NELL2: variants seen among roughly 807,000 people sequenced by gnomAD.
The protein encoded by NELL2 is protein kinase C-binding protein NELL2.
A neutral mutation model predicts 109.6 loss-of-function variants in NELL2; 41 were observed. That is an observed-to-expected ratio of 0.37 (90% CI 0.29 to 0.49). The LOEUF (loss-of-function observed/expected upper bound fraction) is 0.49, where lower values mean the gene tolerates loss of function less well. NELL2 is among the 20% of genes least tolerant of loss of function. The pLI is 0.98. For synonymous variants in NELL2, 355 were observed against 344.7 expected (o/e 1.03, Z -0.33); for missense variants, 900 against 1,008.3 (o/e 0.89, Z 1.45).
chr12:44,647,120 A>C (rs925104954), intron 13 of NELL2, among the ~76,000 whole-genome samples: 11 of 152,178 alleles, frequency 7.2e-5, no homozygotes, highest in Non-Finnish European at 1.2e-4. Context: ...GACACCAAAA[A>C]CCAAGAGCAT....
intron 15 of NELL2, among the ~76,000 whole-genome samples, chr12:44,574,754 C>G (rs1030846047): frequency 6.6e-6 from 1 of 152,174 alleles, no homozygotes; most frequent in Admixed American, 6.5e-5. Context: ...TATGTTATTT[C>G]TGCCAAGAAT....
intron 9 of NELL2, among the ~76,000 whole-genome samples, chr12:44,768,709 C>T (rs1400356951): frequency 1.3e-5 from 2 of 151,932 alleles, no homozygotes; most frequent in Admixed American, 1.3e-4. Context: ...TAAAACAGCG[C>T]ATCTGATACG....
chr12:44,630,925 C>T (rs1317687392), intron 13 of NELL2, among the ~76,000 whole-genome samples: 1 of 152,088 alleles, frequency 6.6e-6, no homozygotes, highest in Non-Finnish European at 1.5e-5. Context: ...CATTCCATGT[C>T]AACTTCATTT....
intron 12 of NELL2, among the ~76,000 whole-genome samples, chr12:44,672,825 T>C (rs145396895): frequency 1.3e-5 from 2 of 152,230 alleles, no homozygotes; most frequent in African/African-American, 4.8e-5. Flanking sequence ...ATGTTCAGTG[T>C]TGGGTCTACA....
chr12:44,726,904 G>T (rs976545146), intron 9 of NELL2, among the ~76,000 whole-genome samples: 3 of 150,066 alleles, frequency 2.0e-5, no homozygotes, highest in African/African-American at 7.6e-5. Flanking sequence ...CATGAACAGG[G>T]TTGAAAACAT....
rs1419538499 is a variant in NELL2, at chr12:44,875,232, G to T, written c.177C>A (p.Leu59=). ...PGLHNGTKAF[L]FQDTPRSIKA... is the part of the protein sequence containing the mutation. The stretch of plus-strand genomic sequence containing the variant: ...GCAGCACGCCGGGCATACCTTGAAA[G>T]AGAAAGGCTTTCGTCCCATTATGCA... Residue 59 remains leucine, a synonymous_variant, in exon 2 of 20, where the codon CTC becomes CTA. Coordinates refer to ENST00000429094, the MANE Select transcript of NELL2 (RefSeq NM_001145108.2). 6.2e-7 allele frequency: 1 copy of T among 1,612,552 alleles called. No homozygotes were observed. The highest frequency in any genetic ancestry group is 8.5e-7 in the Non-Finnish European group (1 of 1,178,962).
intron 1 of NELL2, among the ~76,000 whole-genome samples, chr12:44,900,489 G>A (rs888511673): frequency 3.9e-5 from 6 of 152,024 alleles, no homozygotes; most frequent in South Asian, 2.1e-4. Flanking sequence ...CATGGAAACC[G>A]AACAACCTGC....
intron 15 of NELL2, among the ~76,000 whole-genome samples, chr12:44,574,777 A>C (rs1339911497): frequency 6.6e-6 from 1 of 152,126 alleles, no homozygotes; most frequent in Non-Finnish European, 1.5e-5. Flanking sequence ...TCTGGCCTCA[A>C]ATATTTGCAT....
At chr12:44,681,500 C>A (rs1948503237) in intron 12 of NELL2, among the ~76,000 whole-genome samples, 1 of 151,866 alleles carries the variant, frequency 6.6e-6, no homozygotes, top group South Asian at 2.1e-4. Flanking sequence ...ATGCTCCATG[C>A]TGGTGCGCTG....
chr12:44,853,222 T>C lies in NELL2; in HGVS notation c.184+22003A>G, dbSNP rs10467199. Among the ~76,000 whole-genome samples, 92 of 152,306 alleles carry C rather than the reference T, an allele frequency of 6.0e-4. 1 individual carries two copies. The highest frequency in any genetic ancestry group is 2.1e-3 in the African/African-American group (88 of 41,570). On this transcript the variant is annotated intron_variant, in intron 2 of 19. Transcript: ENST00000429094. Reference sequence around the variant, plus strand: ...ATATCTTCAGGATTATGGTTTATCATAGAAATTAATAATAAGCTTCAGAAA... The same window carrying C: ...ATATCTTCAGGATTATGGTTTATCACAGAAATTAATAATAAGCTTCAGAAA...
intron 3 of NELL2, among the ~76,000 whole-genome samples, chr12:44,804,112 T>C (rs1196481897): frequency 6.6e-6 from 1 of 151,948 alleles, no homozygotes; most frequent in Non-Finnish European, 1.5e-5. Context: ...AGCTGAAATA[T>C]TCAATAATTG....
At chr12:44,613,572 A>T (rs1945705247) in intron 13 of NELL2, among the ~76,000 whole-genome samples, 1 of 152,136 alleles carries the variant, frequency 6.6e-6, no homozygotes, top group African/African-American at 2.4e-5. Flanking sequence ...ATATTAGGAC[A>T]TCTTTTGAAA....
In NELL2 at chr12:44,889,505, G is replaced by GCAT. The variant is rs528407043; in HGVS notation, c.39-13608_39-13606dup. Among the ~76,000 whole-genome samples the GCAT allele has an allele frequency of 5.9e-5, 9 of 152,096 alleles. No homozygotes were observed. The East Asian group carries it at 1.7e-3, about 29-fold the overall frequency. The stretch of plus-strand genomic sequence containing the variant: ...TTAATGTTCATCTGAATAGAATGAA[G>GCAT]CATCCACATGGACCCAGCCGGTGAG... On this transcript the variant is annotated intron_variant, in intron 1 of 20. Coordinates refer to the NELL2 transcript ENST00000333837.
intron 13 of NELL2, among the ~76,000 whole-genome samples, chr12:44,625,060 G>T (rs1463694831): frequency 1.4e-5 from 2 of 143,948 alleles, no homozygotes; most frequent in African/African-American, 2.5e-5. Flanking sequence ...GTTGGGGAAA[G>T]TACACTACTG....
chr12:44,703,941 G>C (rs1214510363), intron 11 of NELL2, 87 bp from the exon 12 acceptor site: 2 of 1,146,050 alleles, frequency 1.7e-6, no homozygotes, highest in African/African-American at 3.2e-5. Context: ...TAATTTTGAA[G>C]CTATGACTCC....
intron 3 of NELL2, among the ~76,000 whole-genome samples, chr12:44,809,785 T>C (rs908410297): frequency 3.3e-5 from 5 of 152,206 alleles, no homozygotes; most frequent in South Asian, 2.1e-4. Context: ...AGTGTGATCA[T>C]CTGCCCTTCC....
chr12:44,546,027 T>C (rs1408516965), intron 15 of NELL2, among the ~76,000 whole-genome samples: 1 of 152,114 alleles, frequency 6.6e-6, no homozygotes, highest in Non-Finnish European at 1.5e-5. Flanking sequence ...TAATTATTAA[T>C]ATAGTGAAGC....
chr12:44,697,442 A>G (rs1156856706), intron 12 of NELL2, among the ~76,000 whole-genome samples: 1 of 152,196 alleles, frequency 6.6e-6, no homozygotes, highest in Non-Finnish European at 1.5e-5. Flanking sequence ...TGGAGTATCC[A>G]GGGAAAATCC....
chr12:44,609,187 C>A (rs1334720436), intron 14 of NELL2, among the ~76,000 whole-genome samples: 1 of 151,922 alleles, frequency 6.6e-6, no homozygotes, highest in East Asian at 1.9e-4. Flanking sequence ...TACACTCAAG[C>A]AATCCATCTG....
Sources: gnomAD v4.1 joint callset for allele counts (sites outside exome capture counted in the v4.1 genomes callset) on GRCh38, gnomAD v4.1.1 for gene constraint, MANE v1.5 for transcripts, NCBI Gene and HGNC (gene_info 2026-07-23, HGNC 2026-07-21) for gene names.